MYBBP1A: variants seen among roughly 807,000 people sequenced by gnomAD.
The protein encoded by MYBBP1A is myb-binding protein 1A.
Under a neutral mutation model 136.3 loss-of-function variants are expected in MYBBP1A, and 147 were observed. The ratio of observed to expected loss-of-function variants is 1.08; its 90% confidence interval spans 0.94 to 1.24. The LOEUF is 1.24. Ranked by LOEUF, MYBBP1A falls within the 50% of genes most tolerant of loss-of-function variation. MYBBP1A has a pLI of 0.00. For synonymous variants in MYBBP1A, 947 were observed against 735.8 expected (o/e 1.29, Z -4.65); for missense variants, 2,060 against 1,727.4 (o/e 1.19, Z -3.41).
Position 4,555,014 on chromosome 17 carries a change from G to A in MYBBP1A, c.199-58C>T, listed in dbSNP as rs1024887880. The A allele has an allele frequency of 1.8e-4, 286 of 1,600,274 alleles. 2 individuals are homozygous for A. The highest frequency in any genetic ancestry group is 4.5e-5 in the Non-Finnish European group (53 of 1,170,806). On this transcript the variant is annotated intron_variant, in intron 1 of 25. Transcript: ENST00000254718. Reference sequence around the variant, plus strand: ...GTGACAACAAGGTGCACGCCCCCGCGCACCCTGGCATCCAGGTTCGCGACC... The same window carrying A: ...GTGACAACAAGGTGCACGCCCCCGCACACCCTGGCATCCAGGTTCGCGACC...
rs749623968 is a variant in MYBBP1A at position 4,539,717 on chromosome 17, T to C, written c.3685A>G (p.Thr1229Ala). 5.0e-6 allele frequency: 8 copies of C among 1,609,920 alleles called. No individual in the cohort carries two copies. The highest frequency in any genetic ancestry group is 4.5e-5 in the East Asian group (2 of 44,788). Reference sequence around the variant, plus strand: ...GCGCCAGGGGCTGGACTCTTGGTGGTTGGCGTCCCGTTTGCCTGGGCTGGG... The same window carrying C: ...GCGCCAGGGGCTGGACTCTTGGTGGCTGGCGTCCCGTTTGCCTGGGCTGGG... The part of the protein sequence containing the change: ...KVPAQANGTP[T>A]TKSPAPGAPT... The change falls in exon 26 of 26, where the codon ACC becomes GCC. Residue 1229 changes from threonine to alanine, a missense_variant. Transcript: ENST00000254718.
intron 23 of MYBBP1A, 34 bp downstream of exon 23, chr17:4,541,750 A>AG (rs1265749527): frequency 1.3e-6 from 2 of 1,567,786 alleles, no homozygotes; most frequent in Admixed American, 1.7e-5. Context: ...ACTGATTCTG[A>AG]GGGGGTGGGG....
rs747989869 is a variant in MYBBP1A, at chr17:4,539,418, G to C, written c.3984C>G (p.Pro1328=). The C allele has an allele frequency of 1.2e-6, 2 of 1,609,024 alleles. No homozygotes were observed. The highest frequency in any genetic ancestry group is 1.7e-6 in the Non-Finnish European group (2 of 1,176,326). ...KKAQVRKAGK[P] ...TGAGGGGGGCCCGTACCTGTGCTCA[G>C]GGCTTCCCTGCCTTCCTCACCTGTG... The change falls in exon 26 of 26, where the codon CCC becomes CCG. Residue 1328 remains proline, a synonymous_variant. Coordinates refer to ENST00000254718, the MANE Select transcript of MYBBP1A (RefSeq NM_014520.4).
In MYBBP1A at chr17:4,553,993, T is replaced by TC. The variant is rs530898533; in HGVS notation, c.453+25dup. 8.6e-5 allele frequency: 139 copies of TC among 1,613,636 alleles called. No homozygotes were observed. In the African/African-American group the frequency reaches 1.5e-3, roughly 18 times the overall value. On this transcript the variant is annotated intron_variant, in intron 4 of 25. Transcript: ENST00000254718. Reference sequence around the variant, plus strand: ...CCACCCATCCCAAGCCAGCCTACATTCCCCCAGTCCCTCCAAAGCTCTTAC... The same window carrying TC: ...CCACCCATCCCAAGCCAGCCTACATTCCCCCCAGTCCCTCCAAAGCTCTTAC...
At chr17:4,554,840 C>T in intron 2 of MYBBP1A, 21 bp downstream of exon 2, 4 of 1,612,026 alleles carry the variant, frequency 2.5e-6, no homozygotes, top group African/African-American at 1.3e-5. Context: ...GGCTGGGACC[C>T]TGCCAGGAGC....
Position 4,555,139 on chromosome 17 carries a change from A to G in MYBBP1A, c.186T>C (p.Arg62=), listed in dbSNP as rs773314577. Residue 62 remains arginine (R), a synonymous_variant, in exon 1 of 26, where the codon CGT becomes CGC. Coordinates refer to ENST00000254718, the MANE Select transcript of MYBBP1A (RefSeq NM_014520.4). ...AATEKLLEYL[R]GRPKGSEMKY... ...CCCGCCACTCCACCTTCGGCCTGCC[A>G]CGCAGATACTCCAGCAGCTTCTCCG... 1.3e-6 allele frequency: 2 copies of G among 1,594,332 alleles called. No individual in the cohort carries two copies. Among genetic ancestry groups the G allele is most frequent in the Middle Eastern group, 1.7e-4 (1 of 6,038 alleles).
Position 4,543,059 on chromosome 17 carries a change from C to T in MYBBP1A, c.2746G>A (p.Asp916Asn), listed in dbSNP as rs145275737. Reference sequence around the variant, plus strand: ...AAGTGGTAGAGGGCGGTGGGGGAGTCGGGCTGGCGGCCAGCCTGCTGCACC... The same window carrying T: ...AAGTGGTAGAGGGCGGTGGGGGAGTTGGGCTGGCGGCCAGCCTGCTGCACC... ...RLVQQAGRQP[D>N]SPTALYHFNA... Residue 916 changes from aspartate (D) to asparagine (N), a missense_variant, in exon 20 of 26, where the codon GAC (aspartate) becomes AAC (asparagine). By Grantham distance (23) the Asp-to-Asn change is conservative (BLOSUM62 1). Coordinates refer to ENST00000254718, the MANE Select transcript of MYBBP1A (RefSeq NM_014520.4). 6.6e-4 allele frequency: 1,069 copies of T among 1,613,296 alleles called. 2 individuals are homozygous for T. Among genetic ancestry groups the T allele is most frequent in the African/African-American group, 1.7e-3 (124 of 75,038 alleles).
rs369129296 is a variant in MYBBP1A at position 4,553,894 on chromosome 17, C to T, written c.477G>A (p.Ser159=). 78 of 1,613,926 alleles carry T rather than the reference C, an allele frequency of 4.8e-5. No individual in the cohort carries two copies. The highest frequency in any genetic ancestry group is 1.1e-4 in the South Asian group (10 of 91,080). Residue 159 remains serine (S), a synonymous_variant, in exon 5 of 26, where the codon TCG becomes TCA. Transcript: ENST00000254718. ...GGGCCAGGGCCTGCAGCAGCTTCAC[C>T]GACTTCATCAGTGCCTCCTGGTCCT... ...LVKDQEALMK[S]VKLLQALAQY... is the part of the protein sequence containing the mutation.
chr17:4,548,487 C>T lies in MYBBP1A; in HGVS notation c.1556+37G>A. On this transcript the variant is annotated intron_variant, in intron 11 of 25. Coordinates refer to ENST00000254718, the MANE Select transcript of MYBBP1A (RefSeq NM_014520.4). This position sits in a 1 kb window ranked among gnomAD's most constrained non-coding sequence, Gnocchi z 4.2. ...GGGAGCAGGCGCCCTCAAGGCCTTC[C>T]CACCTTCGGACCTCTCCTGGGCTGC... 6.2e-7 allele frequency: 1 copy of T among 1,613,302 alleles called. No individual in the cohort carries two copies.
Position 4,539,073 on chromosome 17 carries a change from G to A in MYBBP1A, c.*342C>T, listed in dbSNP as rs1906076681. 8.9e-6 allele frequency: 12 copies of A among 1,350,874 alleles called. No individual in the cohort carries two copies. In the South Asian group the frequency reaches 1.2e-4, roughly 13 times the overall value. 83.7% of individuals were successfully genotyped at this position (1,350,874 alleles called of 1,614,324 possible). A position where few individuals can be genotyped will look rare whatever the true frequency, so the allele number is the denominator to read the frequency against. On this transcript the variant is annotated 3_prime_UTR_variant, in exon 26 of 26. Transcript: ENST00000254718. ...TCCCTCACAGCAAAAAAGCCTGGGG[G>A]CAAAGAGGTGGCAGGCACGAGAGAT...
Position 4,552,031 on chromosome 17 carries a change from C to G in MYBBP1A, c.906-34G>C. 2 of 1,595,228 alleles carry G rather than the reference C, an allele frequency of 1.3e-6. No homozygotes were observed. Among genetic ancestry groups the G allele is most frequent in the East Asian group, 2.2e-5 (1 of 44,566 alleles). ...GGTGCAGGACAGAGCCTGGTCAGAGCCCTTGGTGCCCCTGGTGGGAACCTC... is the reference window on the plus strand; with the variant it reads ...GGTGCAGGACAGAGCCTGGTCAGAGGCCTTGGTGCCCCTGGTGGGAACCTC... On this transcript the variant is annotated intron_variant, in intron 7 of 25. Transcript: ENST00000254718. This position sits in a 1 kb window ranked among gnomAD's most constrained non-coding sequence, Gnocchi z 4.7.
rs1358366577 is a variant in MYBBP1A at position 4,544,575 on chromosome 17, C to T, written c.2553G>A (p.Pro851=). The change falls in exon 19 of 26, where the codon CCG becomes CCA. Residue 851 remains proline (P), a synonymous_variant. Coordinates refer to ENST00000254718, the MANE Select transcript of MYBBP1A (RefSeq NM_014520.4). Reference sequence around the variant, plus strand: ...GGCTGCGCCGGATGATGCTCAGCAGCGGCTCCAGCAGCTCCAGGACCAGGG... The same window carrying T: ...GGCTGCGCCGGATGATGCTCAGCAGTGGCTCCAGCAGCTCCAGGACCAGGG... ...ENALVLELLE[P]LLSIIRRSLR... is the part of the protein sequence containing the mutation. The T allele has an allele frequency of 7.0e-6, 11 of 1,574,810 alleles. No homozygotes were observed. Among genetic ancestry groups the T allele is most frequent in the African/African-American group, 1.4e-5 (1 of 73,898 alleles).
In MYBBP1A at chr17:4,552,228, C is replaced by T. The variant is rs760311130; in HGVS notation, c.802G>A (p.Ala268Thr). ...AGTGCCAGGCGGAGCAGGTCCAGAG[C>T]AATGGCGGGCAGCTTGCGGTCCTTC... ...VKKDRKLPAI[A>T]LDLLRLALKE... is the part of the protein sequence containing the mutation. Residue 268 changes from alanine (A) to threonine (T), a missense_variant, in exon 7 of 26, where the codon GCT (alanine) becomes ACT (threonine). Ala to Thr is a moderately conservative substitution (Grantham distance 58). Coordinates refer to ENST00000254718, the MANE Select transcript of MYBBP1A (RefSeq NM_014520.4). The surrounding 1 kb of genome is among the most constrained non-coding windows in gnomAD (Gnocchi z 4.7). 1.9e-6 allele frequency: 3 copies of T among 1,614,232 alleles called. No homozygotes were observed. Among genetic ancestry groups the T allele is most frequent in the South Asian group, 2.2e-5 (2 of 91,086 alleles).
intron 13 of MYBBP1A, among the ~76,000 whole-genome samples, chr17:4,547,171 G>A (rs977293527): frequency 5.9e-5 from 9 of 152,004 alleles, no homozygotes; most frequent in African/African-American, 2.2e-4. Context: ...GTCTCCGGAA[G>A]TACTGGGATT....
At chr17:4,540,568 T>G in intron 24 of MYBBP1A, 84 bp from the exon 25 acceptor site, 1 of 1,438,820 alleles carries the variant, frequency 7.0e-7, no homozygotes, top group Non-Finnish European at 9.2e-7. Context: ...CTCTGCCCTG[T>G]TGCTGCCTCA....
In MYBBP1A at chr17:4,543,044, G is replaced by C; in HGVS notation, c.2761C>G (p.Leu921Val). 1.2e-6 allele frequency: 2 copies of C among 1,613,618 alleles called. No homozygotes were observed. Among genetic ancestry groups the C allele is most frequent in the Non-Finnish European group, 1.7e-6 (2 of 1,179,966 alleles). Reference sequence around the variant, plus strand: ...TAGAGAGAGGCGTTGAAGTGGTAGAGGGCGGTGGGGGAGTCGGGCTGGCGG... The same window carrying C: ...TAGAGAGAGGCGTTGAAGTGGTAGACGGCGGTGGGGGAGTCGGGCTGGCGG... ...AGRQPDSPTA[L>V]YHFNASLYLL... Residue 921 changes from leucine to valine, a missense_variant, in exon 20 of 26, where the codon CTC (leucine) becomes GTC (valine). By Grantham distance (32) the Leu-to-Val change is conservative. Transcript: ENST00000254718.
Position 4,543,070 on chromosome 17 carries a change from C to A in MYBBP1A, c.2735G>T (p.Gly912Val), listed in dbSNP as rs755193691. 22 of 1,613,250 alleles carry A rather than the reference C, an allele frequency of 1.4e-5. No homozygotes were observed. The highest frequency in any genetic ancestry group is 1.9e-5 in the Non-Finnish European group (22 of 1,179,946). Residue 912 changes from glycine to valine, a missense_variant, in exon 20 of 26, where the codon GGC becomes GTC. Coordinates refer to ENST00000254718, the MANE Select transcript of MYBBP1A (RefSeq NM_014520.4). Reference sequence around the variant, plus strand: ...GGCGGTGGGGGAGTCGGGCTGGCGGCCAGCCTGCTGCACCAACCGCTCCAC... The same window carrying A: ...GGCGGTGGGGGAGTCGGGCTGGCGGACAGCCTGCTGCACCAACCGCTCCAC... Reference protein sequence around the residue: ...AQVERLVQQAGRQPDSPTALY... With the variant: ...AQVERLVQQAVRQPDSPTALY...
In MYBBP1A at chr17:4,554,002, C is replaced by T. The variant is rs745995296; in HGVS notation, c.453+17G>A. Reference sequence around the variant, plus strand: ...CCAAGCCAGCCTACATTCCCCCAGTCCCTCCAAAGCTCTTACCTTCACCAG... The same window carrying T: ...CCAAGCCAGCCTACATTCCCCCAGTTCCTCCAAAGCTCTTACCTTCACCAG... On this transcript the variant is annotated intron_variant, in intron 4 of 25. Coordinates refer to ENST00000254718, the MANE Select transcript of MYBBP1A (RefSeq NM_014520.4). 6.8e-6 allele frequency: 11 copies of T among 1,613,936 alleles called. No homozygotes were observed. The highest frequency in any genetic ancestry group is 9.3e-6 in the Non-Finnish European group (11 of 1,180,012).
chr17:4,543,381 G>A (rs1279867291), intron 19 of MYBBP1A: 8 of 611,702 alleles, frequency 1.3e-5, no homozygotes, highest in Non-Finnish European at 2.0e-5. Flanking sequence ...CTCCAGGGGA[G>A]AACAGAACAG....
Sources: gnomAD v4.1 joint callset for allele counts (sites outside exome capture counted in the v4.1 genomes callset) on GRCh38, gnomAD v4.1.1 for gene constraint, Gnocchi (gnomAD v3.1) non-coding constraint, MANE v1.5 for transcripts, NCBI Gene and HGNC (gene_info 2026-07-23, HGNC 2026-07-21) for gene names.